The following DMRT1 variants were observed in gnomAD, a reference collection of about 807,000 sequenced individuals.
DMRT1 encodes the protein doublesex and mab-3 related transcription factor 1, also known as doublesex- and mab-3-related transcription factor 1.
Under a neutral mutation model 32.3 loss-of-function variants are expected in DMRT1, and 7 were observed. The ratio of observed to expected loss-of-function variants is 0.22; its 90% confidence interval spans 0.12 to 0.41. The LOEUF is 0.41. Among genes scored for constraint, DMRT1 ranks in the 10% least tolerant of loss-of-function variants. The probability of loss-of-function intolerance (pLI) is 1.00; values close to 1 mark genes in which losing one functional copy is unlikely to be tolerated. For synonymous variants in DMRT1, 278 were observed against 206.1 expected (o/e 1.35, Z -2.99); for missense variants, 625 against 500.5 (o/e 1.25, Z -2.37).
chr9:864,342 T>C (rs1815865885), intron 2 of DMRT1, among the ~76,000 whole-genome samples: 1 of 150,926 alleles, frequency 6.6e-6, no homozygotes, highest in Non-Finnish European at 1.5e-5. Context: ...TAGCTGGGAT[T>C]AAAGGTGTCT....
chr9:885,433 T>G (rs1284029733), intron 2 of DMRT1, among the ~76,000 whole-genome samples: 1 of 152,172 alleles, frequency 6.6e-6, no homozygotes, highest in Non-Finnish European at 1.5e-5. Context: ...GGAGATGGTT[T>G]TCCCCTGGAG....
rs1197938820 is a variant in DMRT1 at position 967,370 on chromosome 9, G to A, written c.968-615G>A. On this transcript the variant is annotated intron_variant, in intron 4 of 4. Transcript: ENST00000382276. ...CACAATTTATCTGACTTCTATTTTA[G>A]TGTGATGTAATTTATTTACTTTTCT... is the stretch of plus-strand genomic sequence containing the variant. Among the ~76,000 whole-genome samples, 6 of 152,136 alleles carry A rather than the reference G, an allele frequency of 3.9e-5. No individual in the cohort carries two copies. In the East Asian group the frequency reaches 1.2e-3, roughly 29 times the overall value.
At chr9:866,112 C>T (rs1021886842) in intron 2 of DMRT1, among the ~76,000 whole-genome samples, 6 of 125,902 alleles carry the variant, frequency 4.8e-5, no homozygotes, top group Non-Finnish European at 7.8e-5. Flanking sequence ...TGCCGTGAGC[C>T]GAGATCCTGC....
At chr9:860,289 T>A (rs1253257635) in intron 2 of DMRT1, among the ~76,000 whole-genome samples, 3 of 152,176 alleles carry the variant, frequency 2.0e-5, no homozygotes, top group Non-Finnish European at 4.4e-5. Flanking sequence ...AGAGCGAGAC[T>A]CTGTCTCAAA....
At chr9:950,812 C>T (rs1428502017) in intron 4 of DMRT1, among the ~76,000 whole-genome samples, 2 of 152,188 alleles carry the variant, frequency 1.3e-5, no homozygotes, top group African/African-American at 4.8e-5. Context: ...CCAGAAACGA[C>T]TGTTTTCTTG....
intron 3 of DMRT1, among the ~76,000 whole-genome samples, chr9:903,905 T>C (rs1192683948): frequency 6.6e-6 from 1 of 151,992 alleles, no homozygotes; most frequent in African/African-American, 2.4e-5. Context: ...AAACATTAGG[T>C]TTTTCAGCAA....
intron 2 of DMRT1, among the ~76,000 whole-genome samples, chr9:861,828 G>A (rs1815703377): frequency 6.8e-6 from 1 of 147,116 alleles, no homozygotes; most frequent in Non-Finnish European, 1.5e-5. Flanking sequence ...CTTCAGACGG[G>A]GCGGCCGGTC....
intron 2 of DMRT1, among the ~76,000 whole-genome samples, chr9:881,992 G>C (rs759745362): frequency 3.3e-5 from 5 of 152,220 alleles, no homozygotes; most frequent in Non-Finnish European, 5.9e-5. Flanking sequence ...ATGGCCATGA[G>C]ACATTGCCTT....
chr9:871,690 G>C (rs1459785573), intron 2 of DMRT1, among the ~76,000 whole-genome samples: 1 of 150,006 alleles, frequency 6.7e-6, no homozygotes, highest in Admixed American at 6.6e-5. Flanking sequence ...TAGCCAGGAT[G>C]GTCTCAATCT....
intron 3 of DMRT1, chr9:894,790 T>TG (rs1817288759): frequency 6.4e-6 from 1 of 157,480 alleles, no homozygotes; most frequent in Non-Finnish European, 1.4e-5. Flanking sequence ...TCTCCAAGTT[T>TG]GTTTTTTTTT....
intron 3 of DMRT1, among the ~76,000 whole-genome samples, chr9:901,473 C>T (rs938150331): frequency 6.6e-6 from 1 of 151,726 alleles, no homozygotes; most frequent in African/African-American, 2.4e-5. Flanking sequence ...ATTACAGGCC[C>T]CTGCCACCAT....
At chr9:842,528 TC>T (rs1838732115) in intron 1 of DMRT1, among the ~76,000 whole-genome samples, 1 of 149,642 alleles carries the variant, frequency 6.7e-6, no homozygotes, top group African/African-American at 2.4e-5. Flanking sequence ...GGGCCACCGC[TC>T]CCGGCGGGGC....
At chr9:905,818 A>G (rs1012968557) in intron 3 of DMRT1, among the ~76,000 whole-genome samples, 11 of 152,150 alleles carry the variant, frequency 7.2e-5, no homozygotes, top group African/African-American at 2.7e-4. Flanking sequence ...ACTGGGGCTC[A>G]GGGAGATGAA....
chr9:851,522 G>C (rs772824964), intron 2 of DMRT1, among the ~76,000 whole-genome samples: 26 of 152,162 alleles, frequency 1.7e-4, no homozygotes, highest in Non-Finnish European at 3.1e-4. Flanking sequence ...ACAGGCGTGA[G>C]CCACTGCATC....
At chr9:936,418 C>T (rs2129885345) in intron 4 of DMRT1, among the ~76,000 whole-genome samples, 1 of 151,928 alleles carries the variant, frequency 6.6e-6, no homozygotes, top group South Asian at 2.1e-4. Context: ...TGTCTTCTTC[C>T]ACTTAACATC....
chr9:912,261 C>A (rs1227372070), intron 3 of DMRT1, among the ~76,000 whole-genome samples: 1 of 152,210 alleles, frequency 6.6e-6, no homozygotes, highest in Non-Finnish European at 1.5e-5. Flanking sequence ...CACCGCCTAC[C>A]ACGTTCCTTC....
chr9:930,146 C>A (rs1208666324), intron 4 of DMRT1, among the ~76,000 whole-genome samples: 1 of 152,130 alleles, frequency 6.6e-6, no homozygotes, highest in Non-Finnish European at 1.5e-5. Context: ...AAATACGGAG[C>A]CTTTTCCAGG....
intron 4 of DMRT1, among the ~76,000 whole-genome samples, chr9:966,793 A>G (rs1819943487): frequency 6.6e-6 from 1 of 152,234 alleles, no homozygotes; most frequent in African/African-American, 2.4e-5. Context: ...AATTCCAAAC[A>G]TAATAAGTAT....
chr9:951,414 T>C (rs1819424154), intron 4 of DMRT1, among the ~76,000 whole-genome samples: 1 of 152,152 alleles, frequency 6.6e-6, no homozygotes, highest in African/African-American at 2.4e-5. Context: ...TTTCTGTAAA[T>C]TATGAAAATT....
Sources: gnomAD v4.1 joint callset for allele counts (sites outside exome capture counted in the v4.1 genomes callset) on GRCh38, gnomAD v4.1.1 for gene constraint, MANE v1.5 for transcripts, NCBI Gene and HGNC (gene_info 2026-07-23, HGNC 2026-07-21) for gene names.